The following PHLDB1 variants were observed in gnomAD, a reference collection of about 807,000 sequenced individuals.
PHLDB1 encodes the protein pleckstrin homology like domain family B member 1, also known as pleckstrin homology-like domain family B member 1.
PHLDB1 carries 65 observed loss-of-function variants against 139.3 expected under a neutral mutation model. That is an observed-to-expected ratio of 0.47 (90% confidence interval 0.38 to 0.57). The LOEUF is 0.57. PHLDB1 is among the 20% of genes least tolerant of loss of function. PHLDB1 has a pLI of 0.00. For synonymous variants in PHLDB1, 679 were observed against 734.5 expected (o/e 0.92, Z 1.22); for missense variants, 1,624 against 1,839.7 (o/e 0.88, Z 2.14).
At chr11:118,641,507 C>G (rs1343826915) in intron 12 of PHLDB1, 1 of 589,790 alleles carries the variant, frequency 1.7e-6, no homozygotes, top group Admixed American at 4.0e-5. Context: ...GCTGCAGGCT[C>G]TGTACTTTCT....
At position 118,632,347 on chromosome 11, in the gene PHLDB1, G is replaced by A; in HGVS notation, c.2379+51G>A. On this transcript the variant is annotated intron_variant, in intron 9 of 22. Transcript: ENST00000600882. This position sits in a 1 kb window ranked among gnomAD's most constrained non-coding sequence, Gnocchi z 5.9. ...TGCTGGGTACCAGTGGCCTGGGAGAGAAGGAGAAATGTCTTCTCTGGGGCC... is the reference window on the plus strand; with the variant it reads ...TGCTGGGTACCAGTGGCCTGGGAGAAAAGGAGAAATGTCTTCTCTGGGGCC... 6.3e-7 allele frequency: 1 copy of A among 1,594,894 alleles called. No homozygotes were observed. The highest frequency in any genetic ancestry group is 1.7e-5 in the Admixed American group (1 of 59,898).
rs1555126673 is a variant in PHLDB1 at position 118,645,514 on chromosome 11, C to T, written c.3280C>T (p.His1094Tyr). The T allele has an allele frequency of 2.5e-6, 4 of 1,612,778 alleles. No individual in the cohort carries two copies. Among genetic ancestry groups the T allele is most frequent in the Non-Finnish European group, 3.4e-6 (4 of 1,179,364 alleles). ...PPLMHHSILH[H>Y]LPAGRERGEE... is the part of the protein sequence containing the mutation. The stretch of plus-strand genomic sequence containing the variant: ...TCTCATGCACCACTCTATCCTACAC[C>T]ACCTGCCTGCGGGGCGGGAGCGTGG... The change falls in exon 16 of 23, where the codon CAC becomes TAC. Residue 1094 changes from histidine (H) to tyrosine (Y), a missense_variant. By Grantham distance (83) the His-to-Tyr change is moderately conservative. Coordinates refer to ENST00000600882, the MANE Select transcript of PHLDB1 (RefSeq NM_001144758.3). This position sits in a 1 kb window ranked among gnomAD's most constrained non-coding sequence, Gnocchi z 5.1.
chr11:118,623,907 T>G lies in PHLDB1; in HGVS notation c.356-1027T>G, dbSNP rs1943322017. Among the ~76,000 whole-genome samples the G allele has an allele frequency of 2.6e-5, 4 of 151,172 alleles. No homozygotes were observed. In the South Asian group the frequency reaches 8.4e-4, roughly 32 times the overall value. On this transcript the variant is annotated intron_variant, in intron 4 of 22. Coordinates refer to ENST00000600882, the MANE Select transcript of PHLDB1 (RefSeq NM_001144758.3). Reference sequence around the variant, plus strand: ...GTGTGTGTGTGTGTGTGTGTGTGTGTGTGTGTGTGTGAGACGGAGTTTCGC... The same window carrying G: ...GTGTGTGTGTGTGTGTGTGTGTGTGGGTGTGTGTGTGAGACGGAGTTTCGC...
intron 17 of PHLDB1, among the ~76,000 whole-genome samples, chr11:118,646,140 G>T (rs1184702666): frequency 6.6e-6 from 1 of 151,806 alleles, no homozygotes; most frequent in Non-Finnish European, 1.5e-5. Context: ...GGCGCCTGTA[G>T]TCCCAGCTGC....
At position 118,610,327 on chromosome 11, in the gene PHLDB1, G is replaced by T; in HGVS notation, c.-22+2628G>T. ...AGTTCTCTCGTCCCCCTCCCCACTC[G>T]GGCGTCCCCCGCTGGGCTCCCCGCC... is the stretch of plus-strand genomic sequence containing the variant. On this transcript the variant is annotated intron_variant, in intron 1 of 22. Transcript: ENST00000600882. This position sits in a 1 kb window ranked among gnomAD's most constrained non-coding sequence, Gnocchi z 8.7. 2.9e-6 allele frequency: 1 copy of T among 343,302 alleles called. No individual in the cohort carries two copies. The highest frequency in any genetic ancestry group is 4.1e-6 in the Non-Finnish European group (1 of 243,460). 21.3% of individuals were successfully genotyped at this position (343,302 alleles called of 1,614,324 possible).
At chr11:118,641,859 T>C in intron 12 of PHLDB1, 1 of 1,163,886 alleles carries the variant, frequency 8.6e-7, no homozygotes, top group African/African-American at 1.6e-5. Flanking sequence ...CCTGCTCACC[T>C]GGCCTCTTGG....
chr11:118,649,927 G>C, intron 18 of PHLDB1, 150 bp from the exon 19 acceptor site: 1 of 673,498 alleles, frequency 1.5e-6, no homozygotes, highest in Non-Finnish European at 2.7e-6. Flanking sequence ...CTCCACTTTT[G>C]CCATAAGCCC....
rs1332351571 is a variant in PHLDB1, at chr11:118,620,924, T to A, written c.356-4010T>A. Reference sequence around the variant, plus strand: ...CTGTAGAGCCCCTGCTCTTTTCCTCTCCCTCTCTCTCTCAGATATGGACCC... The same window carrying A: ...CTGTAGAGCCCCTGCTCTTTTCCTCACCCTCTCTCTCTCAGATATGGACCC... On this transcript the variant is annotated intron_variant, in intron 4 of 22. Transcript: ENST00000600882. The surrounding 1 kb of genome is among the most constrained non-coding windows in gnomAD (Gnocchi z 4.1). Among the ~76,000 whole-genome samples the A allele has an allele frequency of 6.6e-6, 1 of 152,106 alleles. No individual in the cohort carries two copies. Among genetic ancestry groups the A allele is most frequent in the Non-Finnish European group, 1.5e-5 (1 of 68,002 alleles).
In PHLDB1 at chr11:118,639,197, CCACT is replaced by C; in HGVS notation, c.2690_2693del (p.Leu897GlnfsTer24). On this transcript the variant is annotated frameshift_variant, in exon 12 of 23. Coordinates refer to ENST00000600882, the MANE Select transcript of PHLDB1 (RefSeq NM_001144758.3). LOFTEE classifies it high-confidence loss of function. ...AGCTGACTGTGCTGGAAAGGAGATA[CCACT>C]CACTCACAGGGGGCAGGCCTTTCCC... 1 of 1,614,090 alleles carries C rather than the reference CCACT, an allele frequency of 6.2e-7. No homozygotes were observed. The highest frequency in any genetic ancestry group is 8.5e-7 in the Non-Finnish European group (1 of 1,179,952).
Position 118,645,185 on chromosome 11 carries a change from C to T in PHLDB1, c.3122-171C>T. Reference sequence around the variant, plus strand: ...GTTGTGCAGGCGACTGAAGCATTGGCAGAGCAGCCAGGCCTGGAGCTGCAG... The same window carrying T: ...GTTGTGCAGGCGACTGAAGCATTGGTAGAGCAGCCAGGCCTGGAGCTGCAG... On this transcript the variant is annotated intron_variant, in intron 15 of 22. Transcript: ENST00000600882. This position sits in a 1 kb window ranked among gnomAD's most constrained non-coding sequence, Gnocchi z 5.1. 2.0e-6 allele frequency: 1 copy of T among 510,694 alleles called. No individual in the cohort carries two copies. Among genetic ancestry groups the T allele is most frequent in the Non-Finnish European group, 3.4e-6 (1 of 295,134 alleles). The allele number at this position is 510,694 out of a possible 1,614,324, so 31.6% of individuals were successfully genotyped here. A position where few individuals can be genotyped will look rare whatever the true frequency, so the allele number is the denominator to read the frequency against.
chr11:118,635,495 C>T lies in PHLDB1; in HGVS notation c.2482C>T (p.Gln828Ter). 6.2e-7 allele frequency: 1 copy of T among 1,609,998 alleles called. No homozygotes were observed. The highest frequency in any genetic ancestry group is 8.5e-7 in the Non-Finnish European group (1 of 1,178,404). ...RVEEERELAG[Q>*]GLLRSKAELL... is the part of the protein sequence containing the mutation. ...GGAGGAGGAGCGCGAGCTGGCCGGC[C>T]AGGGGCTGCTCCGGAGCAAGGCTGA... is the stretch of plus-strand genomic sequence containing the variant. Residue 828 changes from glutamine to a stop codon, truncating the protein, a stop_gained, in exon 10 of 23, where the codon CAG becomes TAG. Coordinates refer to ENST00000600882, the MANE Select transcript of PHLDB1 (RefSeq NM_001144758.3). LOFTEE classifies it high-confidence loss of function.
chr11:118,642,580 G>C (rs1405687600), intron 13 of PHLDB1, among the ~76,000 whole-genome samples, 186 bp downstream of exon 13: 1 of 152,220 alleles, frequency 6.6e-6, no homozygotes, highest in Non-Finnish European at 1.5e-5. Flanking sequence ...GTGGGCAACC[G>C]GGGGGCCAGC....
rs992425823 is a variant in PHLDB1, at chr11:118,610,408, G to A, written c.-22+2709G>A. ...CTGACGGCGGCCCTTTCTCGAGGGC[G>A]GATGTGCGCCTGGAGGGCGAAGGCG... On this transcript the variant is annotated intron_variant, in intron 1 of 22. Transcript: ENST00000600882. This position sits in a 1 kb window ranked among gnomAD's most constrained non-coding sequence, Gnocchi z 8.7. 3 of 981,800 alleles carry A rather than the reference G, an allele frequency of 3.1e-6. No homozygotes were observed. The highest frequency in any genetic ancestry group is 4.7e-5 in the South Asian group (1 of 21,234). The allele number at this position is 981,800 out of a possible 1,614,324, so 60.8% of individuals were successfully genotyped here.
rs1243913258 is a variant in PHLDB1 at position 118,650,472 on chromosome 11, G to A, written c.3799G>A (p.Gly1267Ser). Residue 1267 changes from glycine to serine, a missense_variant, in exon 20 of 23, where the codon GGC becomes AGC. Physicochemically the swap from Gly to Ser is moderately conservative, Grantham distance 56. Coordinates refer to ENST00000600882, the MANE Select transcript of PHLDB1 (RefSeq NM_001144758.3). The surrounding 1 kb of genome is among the most constrained non-coding windows in gnomAD (Gnocchi z 4.7). Reference protein sequence around the residue: ...KVCRGYLVKMGGKIKSWKKRW... With the variant: ...KVCRGYLVKMSGKIKSWKKRW... The stretch of plus-strand genomic sequence containing the variant: ...CTGCCGTGGCTACTTGGTCAAGATG[G>A]GCGGCAAGATTAAATCATGGAAGAA... 1 of 1,613,950 alleles carries A rather than the reference G, an allele frequency of 6.2e-7. No homozygotes were observed. Among genetic ancestry groups the A allele is most frequent in the Non-Finnish European group, 8.5e-7 (1 of 1,179,930 alleles).
Position 118,620,793 on chromosome 11 carries a change from C to T in PHLDB1, c.356-4141C>T, listed in dbSNP as rs912968886. Among the ~76,000 whole-genome samples the T allele has an allele frequency of 6.6e-6, 1 of 152,114 alleles. No homozygotes were observed. The highest frequency in any genetic ancestry group is 2.4e-5 in the African/African-American group (1 of 41,426). On this transcript the variant is annotated intron_variant, in intron 4 of 22. Coordinates refer to ENST00000600882, the MANE Select transcript of PHLDB1 (RefSeq NM_001144758.3). The surrounding 1 kb of genome is among the most constrained non-coding windows in gnomAD (Gnocchi z 4.1). The stretch of plus-strand genomic sequence containing the variant: ...GTGGAGACAGGAGGTGGGCTGAGTG[C>T]TTGCATTGTACAGAGCACTGCTTTG...
At position 118,650,474 on chromosome 11, in the gene PHLDB1, C is replaced by T. The variant is rs782463191; in HGVS notation, c.3801C>T (p.Gly1267=). Residue 1267 remains glycine, a synonymous_variant, in exon 20 of 23, where the codon GGC becomes GGT. Coordinates refer to ENST00000600882, the MANE Select transcript of PHLDB1 (RefSeq NM_001144758.3). This position sits in a 1 kb window ranked among gnomAD's most constrained non-coding sequence, Gnocchi z 4.7. ...GCCGTGGCTACTTGGTCAAGATGGG[C>T]GGCAAGATTAAATCATGGAAGAAGC... The part of the protein sequence containing the change: ...KVCRGYLVKM[G]GKIKSWKKRW... 4 of 1,614,018 alleles carry T rather than the reference C, an allele frequency of 2.5e-6. No homozygotes were observed. Among genetic ancestry groups the T allele is most frequent in the Non-Finnish European group, 2.5e-6 (3 of 1,179,880 alleles).
rs781911394 is a variant in PHLDB1 at position 118,616,196 on chromosome 11, A to C, written c.340A>C (p.Thr114Pro). ...TGATGGGCTCCCTGTCCGGCAGCCT[A>C]CCCGGCTCACTCAGGGTAAGGCTGG... ...TIDGLPVRQP[T>P]RLTQGCMLCL... The change falls in exon 4 of 23, where the codon ACC (threonine) becomes CCC (proline). Residue 114 changes from threonine (T) to proline (P), a missense_variant. Thr to Pro is a conservative substitution (Grantham distance 38). Transcript: ENST00000600882. 1 of 1,613,846 alleles carries C rather than the reference A, an allele frequency of 6.2e-7. No individual in the cohort carries two copies. Among genetic ancestry groups the C allele is most frequent in the South Asian group, 1.1e-5 (1 of 91,064 alleles).
At chr11:118,644,282 G>C in intron 15 of PHLDB1, 108 bp downstream of exon 15, 2 of 768,640 alleles carry the variant, frequency 2.6e-6, no homozygotes, top group Non-Finnish European at 4.3e-6. Context: ...CTTTAATTGG[G>C]ATCTAGGCAA....
Position 118,631,420 on chromosome 11 carries a change from C to T in PHLDB1, c.2041C>T (p.Arg681Cys), listed in dbSNP as rs61734534. ...CCAACGCCTATGGGAGAGTATGGAG[C>T]GCTCAGATGAGGAAAATCTCAAGGA... ...ATQRLWESME[R>C]SDEENLKEEC... is the part of the protein sequence containing the mutation. The change falls in exon 7 of 23, where the codon CGC becomes TGC. Residue 681 changes from arginine (R) to cysteine (C), a missense_variant. Arg to Cys is a radical substitution (Grantham distance 180, BLOSUM62 -3). Transcript: ENST00000600882. The T allele has an allele frequency of 1.9e-4, 273 of 1,459,708 alleles. 2 individuals carry two copies. The South Asian group carries it at 3.5e-3, about 19-fold the overall frequency. 90.4% of individuals were successfully genotyped at this position (1,459,708 alleles called of 1,614,324 possible).
Sources: gnomAD v4.1 joint callset for allele counts (sites outside exome capture counted in the v4.1 genomes callset) on GRCh38, gnomAD v4.1.1 for gene constraint, Gnocchi (gnomAD v3.1) non-coding constraint, MANE v1.5 for transcripts, NCBI Gene and HGNC (gene_info 2026-07-23, HGNC 2026-07-21) for gene names.